LRRC28: variants seen among roughly 807,000 people sequenced by gnomAD.
The protein encoded by LRRC28 is leucine rich repeat containing 28.
In LRRC28, 39 loss-of-function variants were observed where a neutral mutation model predicts 45.7. That is an observed-to-expected ratio of 0.85 (90% confidence interval 0.66 to 1.12). The LOEUF (loss-of-function observed/expected upper bound fraction) is 1.12. Ranked by LOEUF, LRRC28 falls within the 50% of genes most tolerant of loss-of-function variation. The pLI, the probability that LRRC28 is intolerant of heterozygous loss-of-function variation, is 0.00. For synonymous variants in LRRC28, 206 were observed against 178.8 expected (o/e 1.15, Z -1.22); for missense variants, 435 against 438.5 (o/e 0.99, Z 0.07).
chr15:99,264,458 C>G (rs1029778408), intron 2 of LRRC28, among the ~76,000 whole-genome samples: 3 of 152,162 alleles, frequency 2.0e-5, no homozygotes, highest in African/African-American at 7.2e-5. Flanking sequence ...GAAGAGGAAC[C>G]TAGCTGTATC....
intron 5 of LRRC28, among the ~76,000 whole-genome samples, chr15:99,304,162 T>C (rs539472554): frequency 6.6e-6 from 1 of 152,324 alleles, no homozygotes; most frequent in South Asian, 2.1e-4. Flanking sequence ...CTCTGGCTGC[T>C]TTTATGCTGC....
At position 99,334,005 on chromosome 15, in the gene LRRC28, C is replaced by T. The variant is rs1342066655; in HGVS notation, c.468C>T (p.Cys156=). Reference sequence around the variant, plus strand: ...CTTTACCCGAGAGGCTTCACATGTGCCTTTCTCTGCAGTACCTCACTGTGG... The same window carrying T: ...CTTTACCCGAGAGGCTTCACATGTGTCTTTCTCTGCAGTACCTCACTGTGG... ...LLTLPERLHM[C]LSLQYLTVDR... The change falls in exon 6 of 10, where the codon TGC becomes TGT. Residue 156 remains cysteine, a synonymous_variant. Coordinates refer to ENST00000301981, the MANE Select transcript of LRRC28 (RefSeq NM_144598.5). 1.9e-6 allele frequency: 3 copies of T among 1,614,146 alleles called. No homozygotes were observed. Among genetic ancestry groups the T allele is most frequent in the Non-Finnish European group, 2.5e-6 (3 of 1,180,016 alleles).
chr15:99,317,644 G>C (rs925326631), intron 5 of LRRC28: 3 of 151,928 alleles, frequency 2.0e-5, no homozygotes, highest in Non-Finnish European at 4.4e-5. Context: ...TTGCTTTTTG[G>C]GGTGTTGTTT....
rs1168337739 is a variant in LRRC28 at position 99,361,516 on chromosome 15, G to A, written c.871+5G>A. 53 of 1,574,096 alleles carry A rather than the reference G, an allele frequency of 3.4e-5. No homozygotes were observed. The highest frequency in any genetic ancestry group is 4.2e-5 in the Non-Finnish European group (49 of 1,162,274). Reference sequence around the variant, plus strand: ...CCTACCACAGCTTGCTGAAAGGTACGTGGGACTTCTGGTTTTCTTATTTTT... The same window carrying A: ...CCTACCACAGCTTGCTGAAAGGTACATGGGACTTCTGGTTTTCTTATTTTT... On this transcript the variant is annotated splice_donor_5th_base_variant and intron_variant, in intron 8 of 9. Coordinates refer to ENST00000301981, the MANE Select transcript of LRRC28 (RefSeq NM_144598.5).
chr15:99,310,667 A>G (rs537634889), intron 5 of LRRC28, among the ~76,000 whole-genome samples: 5 of 152,354 alleles, frequency 3.3e-5, no homozygotes, highest in African/African-American at 1.2e-4. Context: ...TCTGTAAGAC[A>G]AAAATCCGTG....
intron 3 of LRRC28, among the ~76,000 whole-genome samples, chr15:99,283,875 A>G (rs2081882279): frequency 6.6e-6 from 1 of 152,212 alleles, no homozygotes; most frequent in Non-Finnish European, 1.5e-5. Context: ...AATTACCAAA[A>G]TTAAGTAAAA....
chr15:99,295,023 T>C (rs1161771818), intron 5 of LRRC28, among the ~76,000 whole-genome samples: 2 of 152,270 alleles, frequency 1.3e-5, no homozygotes, highest in African/African-American at 2.4e-5. Flanking sequence ...CCCTAGATTT[T>C]AAGGATTGTA....
At chr15:99,283,481 T>C (rs1006577200) in intron 3 of LRRC28, among the ~76,000 whole-genome samples, 34 of 151,340 alleles carry the variant, frequency 2.2e-4, no homozygotes, top group Admixed American at 1.1e-3. Flanking sequence ...CCGGGTGTGG[T>C]GGTGCGCACC....
rs2081065372 is a variant in LRRC28 at position 99,257,694 on chromosome 15, G to A, written c.168+1569G>A. The A allele has an allele frequency of 1.2e-5, 9 of 761,706 alleles. No individual in the cohort carries two copies. The Admixed American group carries it at 1.4e-4, about 12-fold the overall frequency. The allele number at this position is 761,706 out of a possible 1,614,324, so 47.2% of individuals were successfully genotyped here. Reference sequence around the variant, plus strand: ...GCTGACCTTCGGGTCGGTCAGAGCTGTTGATGAAGTTGATGTGGAAGGTAC... The same window carrying A: ...GCTGACCTTCGGGTCGGTCAGAGCTATTGATGAAGTTGATGTGGAAGGTAC... On this transcript the variant is annotated intron_variant, in intron 2 of 9. Coordinates refer to ENST00000301981, the MANE Select transcript of LRRC28 (RefSeq NM_144598.5).
intron 2 of LRRC28, chr15:99,256,358 G>T (rs1317775799): frequency 5.8e-6 from 2 of 346,702 alleles, no homozygotes; most frequent in Non-Finnish European, 1.0e-5. Context: ...ACTCACTGAT[G>T]TATGACTTAT....
intron 2 of LRRC28, among the ~76,000 whole-genome samples, chr15:99,275,358 A>G (rs560804965): frequency 7.9e-5 from 12 of 152,174 alleles, no homozygotes; most frequent in African/African-American, 2.2e-4. Context: ...CCAATGGCCA[A>G]TTTCCTGGCC....
chr15:99,363,289 AG>A lies in LRRC28; in HGVS notation c.1031+27del, dbSNP rs547959431. 2.3e-3 allele frequency: 3,636 copies of A among 1,612,910 alleles called. 6 individuals are homozygous for A. The highest frequency in any genetic ancestry group is 2.9e-3 in the Non-Finnish European group (3,393 of 1,179,434). On this transcript the variant is annotated intron_variant, in intron 9 of 9. Coordinates refer to ENST00000301981, the MANE Select transcript of LRRC28 (RefSeq NM_144598.5). ...TGGTAATCATGCCTAAGTGGGCACC[AG>A]GGTTTACACCCAGGCAAGGGGTGGC...
Position 99,386,070 on chromosome 15 carries a change from C to A in LRRC28, c.1072C>A (p.Gln358Lys). The A allele has an allele frequency of 6.2e-7, 1 of 1,614,156 alleles. No individual in the cohort carries two copies. Among genetic ancestry groups the A allele is most frequent in the Non-Finnish European group, 8.5e-7 (1 of 1,180,026 alleles). The stretch of plus-strand genomic sequence containing the variant: ...TTTTGTGGCTTACTGCTGCTCCACC[C>A]AGTGTCTGCAGACTTTTGACCTGCT... The part of the protein sequence containing the change: ...VSFVAYCCST[Q>K]CLQTFDLLS The change falls in exon 10 of 10, where the codon CAG (glutamine) becomes AAG (lysine). Residue 358 changes from glutamine (Q) to lysine (K), a missense_variant. Coordinates refer to ENST00000301981, the MANE Select transcript of LRRC28 (RefSeq NM_144598.5).
chr15:99,362,044 C>A (rs1200786362), intron 8 of LRRC28, among the ~76,000 whole-genome samples: 1 of 152,150 alleles, frequency 6.6e-6, no homozygotes, highest in African/African-American at 2.4e-5. Context: ...CGCAGCGTGC[C>A]AGCTAAAATT....
intron 2 of LRRC28, among the ~76,000 whole-genome samples, chr15:99,275,807 C>A (rs2081602488): frequency 6.6e-6 from 1 of 152,142 alleles, no homozygotes; most frequent in African/African-American, 2.4e-5. Context: ...ATTTTTATTT[C>A]TTCCATGACC....
intron 5 of LRRC28, among the ~76,000 whole-genome samples, chr15:99,324,657 C>T (rs1235977025): frequency 1.3e-5 from 2 of 152,114 alleles, no homozygotes; most frequent in African/African-American, 4.8e-5. Flanking sequence ...TAAGTAATTA[C>T]TATGTGGCAA....
chr15:99,339,643 A>C (rs1195459134), intron 6 of LRRC28, among the ~76,000 whole-genome samples: 1 of 151,922 alleles, frequency 6.6e-6, no homozygotes, highest in East Asian at 1.9e-4. Flanking sequence ...AGGCCCCAAA[A>C]TCGCTTGAAC....
intron 5 of LRRC28, among the ~76,000 whole-genome samples, chr15:99,325,850 A>G (rs1179826764): frequency 6.6e-6 from 1 of 152,210 alleles, no homozygotes; most frequent in South Asian, 2.1e-4. Context: ...TGCAGCAGAA[A>G]GCCAGGGCAG....
At chr15:99,363,023 T>C (rs1957245837) in intron 8 of LRRC28, 83 bp from the exon 9 acceptor site, 24 of 1,436,652 alleles carry the variant, frequency 1.7e-5, no homozygotes, top group Non-Finnish European at 2.2e-5. Flanking sequence ...ACTGAACTTA[T>C]TTGGTAACAA....
Sources: gnomAD v4.1 joint callset for allele counts (sites outside exome capture counted in the v4.1 genomes callset) on GRCh38, gnomAD v4.1.1 for gene constraint, MANE v1.5 for transcripts, NCBI Gene and HGNC (gene_info 2026-07-23, HGNC 2026-07-21) for gene names.